The following ANKRD29 variants were observed in gnomAD, a reference collection of about 807,000 sequenced individuals.
ANKRD29 encodes the protein ankyrin repeat domain-containing protein 29.
A neutral mutation model predicts 38.0 loss-of-function variants in ANKRD29; 32 were observed. That is an observed-to-expected ratio of 0.84 (90% confidence interval 0.64 to 1.13). The LOEUF (loss-of-function observed/expected upper bound fraction) is 1.13. ANKRD29 is among the 50% of genes most tolerant of loss of function. The probability of loss-of-function intolerance (pLI) is 0.00; values close to 1 mark genes in which losing one functional copy is unlikely to be tolerated. For missense variants in ANKRD29, 357 were observed against 377.9 expected (o/e 0.94, Z 0.46); for synonymous variants, 135 against 152.4 (o/e 0.89, Z 0.84).
chr18:23,621,368 C>T (rs1010019914), intron 6 of ANKRD29, among the ~76,000 whole-genome samples: 5 of 152,112 alleles, frequency 3.3e-5, no homozygotes, highest in African/African-American at 1.2e-4. Flanking sequence ...GACATCTGAG[C>T]TGGGTCGGGG....
chr18:23,645,365 G>A (rs2060125496), intron 3 of ANKRD29, among the ~76,000 whole-genome samples: 2 of 152,166 alleles, frequency 1.3e-5, no homozygotes, highest in African/African-American at 4.8e-5. Context: ...CACGAGGTCA[G>A]GAGATCGAGA....
intron 3 of ANKRD29, among the ~76,000 whole-genome samples, chr18:23,644,713 T>C (rs1490641573): frequency 6.6e-6 from 1 of 152,210 alleles, no homozygotes; most frequent in African/African-American, 2.4e-5. Flanking sequence ...TGGATGTGTC[T>C]TGGAACTCTA....
intron 6 of ANKRD29, among the ~76,000 whole-genome samples, chr18:23,620,532 G>T (rs1256221983): frequency 1.3e-5 from 2 of 152,168 alleles, no homozygotes; most frequent in African/African-American, 4.8e-5. Context: ...GCTAGAGAGG[G>T]AGGGGGAAGG....
rs1022537928 is a variant in ANKRD29, at chr18:23,613,889, C to A, written c.724-1699G>T. Among the ~76,000 whole-genome samples, 4 of 151,990 alleles carry A rather than the reference C, an allele frequency of 2.6e-5. No individual in the cohort carries two copies. The East Asian group carries it at 7.7e-4, about 29-fold the overall frequency. The stretch of plus-strand genomic sequence containing the variant: ...CTGGGATTACAGGCATGAGCCCCCA[C>A]GCCCAGCTAATTTTTGTATTTTTGT... On this transcript the variant is annotated intron_variant, in intron 8 of 9. Coordinates refer to ENST00000592179, the MANE Select transcript of ANKRD29 (RefSeq NM_173505.4).
intron 1 of ANKRD29, among the ~76,000 whole-genome samples, chr18:23,650,420 A>G (rs889410822): frequency 6.6e-6 from 1 of 152,222 alleles, no homozygotes; most frequent in Admixed American, 6.5e-5. Flanking sequence ...CTGGGATTAC[A>G]GGCGTGAGCC....
At chr18:23,616,015 T>C (rs2059710139) in intron 8 of ANKRD29, among the ~76,000 whole-genome samples, 1 of 150,370 alleles carries the variant, frequency 6.7e-6, no homozygotes, top group Non-Finnish European at 1.5e-5. Flanking sequence ...TATGTATGTA[T>C]GCATACTCTA....
chr18:23,633,771 A>G (rs913928220), intron 5 of ANKRD29, among the ~76,000 whole-genome samples: 20 of 151,922 alleles, frequency 1.3e-4, no homozygotes, highest in African/African-American at 4.8e-4. Flanking sequence ...GGGTTTCACC[A>G]TGTTGGCCAG....
rs1418058844 is a variant in ANKRD29, at chr18:23,646,283, C to T, written c.137G>A (p.Gly46Asp). 6.2e-7 allele frequency: 1 copy of T among 1,613,548 alleles called. No individual in the cohort carries two copies. Among genetic ancestry groups the T allele is most frequent in the Non-Finnish European group, 8.5e-7 (1 of 1,179,934 alleles). ...RVDVDCRDSH[G>D]TTLLMVAAYA... is the part of the protein sequence containing the mutation. ...GGCAGCAACCATCAGGAGTGTGGTG[C>T]CATGCTGGATGGAGGAGAGACAGAT... Residue 46 changes from glycine to aspartate, a missense_variant, in exon 3 of 10, where the codon GGC becomes GAC. Physicochemically the swap from Gly to Asp is moderately conservative, Grantham distance 94. Transcript: ENST00000592179.
At position 23,600,129 on chromosome 18, in the gene ANKRD29, G is replaced by A. The variant is rs981337143; in HGVS notation, c.*1097C>T. The A allele has an allele frequency of 2.0e-5, 3 of 152,530 alleles. No individual in the cohort carries two copies. The highest frequency in any genetic ancestry group is 2.0e-4 in the Admixed American group (3 of 15,270). 9.4% of individuals were successfully genotyped at this position (152,530 alleles called of 1,614,324 possible). A position where few individuals can be genotyped will look rare whatever the true frequency, so the allele number is the denominator to read the frequency against. ...ATTTAGACACCATTAATTATAAAGT[G>A]CATTGAATATAAGTTTTGATCCCTT... On this transcript the variant is annotated 3_prime_UTR_variant, in exon 10 of 10. Transcript: ENST00000592179.
At chr18:23,630,055 T>C (rs561121195) in intron 5 of ANKRD29, 104 bp from the exon 6 acceptor site, 2 of 927,596 alleles carry the variant, frequency 2.2e-6, no homozygotes, top group Non-Finnish European at 3.3e-6. Flanking sequence ...CACAGCACTT[T>C]GGGAGGCCTA....
rs372698565 is a variant in ANKRD29 at position 23,646,131 on chromosome 18, T to C, written c.231+58A>G. 215 of 1,523,956 alleles carry C rather than the reference T, an allele frequency of 1.4e-4. 1 individual carries two copies. The East Asian group carries it at 1.6e-3, about 11-fold the overall frequency. 94.4% of individuals were successfully genotyped at this position (1,523,956 alleles called of 1,614,324 possible). A position where few individuals can be genotyped will look rare whatever the true frequency, so the allele number is the denominator to read the frequency against. On this transcript the variant is annotated intron_variant, in intron 3 of 9. Coordinates refer to ENST00000592179, the MANE Select transcript of ANKRD29 (RefSeq NM_173505.4). Reference sequence around the variant, plus strand: ...TGTCCCCCATACCAGTTCACTATCATGAAAACTTCAGATCTCTGAGCCTGG... The same window carrying C: ...TGTCCCCCATACCAGTTCACTATCACGAAAACTTCAGATCTCTGAGCCTGG...
At position 23,620,951 on chromosome 18, in the gene ANKRD29, G is replaced by C. The variant is rs571466007; in HGVS notation, c.529-1322C>G. The stretch of plus-strand genomic sequence containing the variant: ...CTTCCTGAGTAGATACAATGGCCAG[G>C]CCAGCAGAGAATGGCGAGACCAGCT... On this transcript the variant is annotated intron_variant, in intron 6 of 9. Coordinates refer to ENST00000592179, the MANE Select transcript of ANKRD29 (RefSeq NM_173505.4). Among the ~76,000 whole-genome samples the C allele has an allele frequency of 3.3e-5, 5 of 152,274 alleles. No individual in the cohort carries two copies. The South Asian group carries it at 1.0e-3, about 32-fold the overall frequency.
intron 2 of ANKRD29, 79 bp downstream of exon 2, chr18:23,649,004 G>A (rs747413671): frequency 8.9e-7 from 1 of 1,129,610 alleles, no homozygotes; most frequent in Non-Finnish European, 1.3e-6. Flanking sequence ...ATTGTAAAGG[G>A]GAATGTATTC....
intron 2 of ANKRD29, 119 bp from the exon 3 acceptor site, chr18:23,646,406 C>T: frequency 1.4e-6 from 1 of 731,994 alleles, no homozygotes; most frequent in African/African-American, 1.8e-5. Context: ...GCAAAATTCC[C>T]TGCAGTGATA....
chr18:23,661,540 T>C (rs2060361484), intron 1 of ANKRD29, among the ~76,000 whole-genome samples: 1 of 152,176 alleles, frequency 6.6e-6, no homozygotes, highest in Non-Finnish European at 1.5e-5. Flanking sequence ...ACCCCGTCTC[T>C]ACTAAAAATA....
intron 3 of ANKRD29, among the ~76,000 whole-genome samples, chr18:23,641,634 G>A (rs568126917): frequency 5.9e-5 from 9 of 152,364 alleles, no homozygotes; most frequent in African/African-American, 1.2e-4. Flanking sequence ...CCTGGGTGCC[G>A]TGGATGGCAT....
chr18:23,643,463 C>G (rs1434797188), intron 3 of ANKRD29, among the ~76,000 whole-genome samples: 1 of 152,168 alleles, frequency 6.6e-6, no homozygotes, highest in East Asian at 1.9e-4. Flanking sequence ...GAAGTTGTTT[C>G]TTTAGTAAGA....
intron 4 of ANKRD29, among the ~76,000 whole-genome samples, chr18:23,634,906 C>T (rs757825510): frequency 6.6e-6 from 1 of 152,154 alleles, no homozygotes; most frequent in Non-Finnish European, 1.5e-5. Context: ...AGTGGTAAGC[C>T]ACTGAGATTA....
intron 3 of ANKRD29, among the ~76,000 whole-genome samples, chr18:23,642,385 G>A (rs771227529): frequency 5.9e-5 from 9 of 152,196 alleles, no homozygotes; most frequent in Non-Finnish European, 1.0e-4. Context: ...TGCCTGCAGC[G>A]GAAGCCACTT....
Sources: allele counts gnomAD v4.1 joint callset (sites outside exome capture counted in the v4.1 genomes callset), GRCh38; gene constraint gnomAD v4.1.1; transcripts MANE v1.5; gene names NCBI Gene and HGNC (gene_info 2026-07-23, HGNC 2026-07-21).